OR2T6: variants seen among roughly 807,000 people sequenced by gnomAD.
The protein encoded by OR2T6 is olfactory receptor family 2 subfamily T member 6, also known as olfactory receptor 2T6.
For missense variants in OR2T6, 424 were observed against 391.6 expected, an observed-to-expected ratio of 1.08 and a Z score of -0.70; for synonymous variants, 174 against 148.0, an observed-to-expected ratio of 1.18 and a Z score of -1.27.
At chr1:248,385,129 C>G (rs1661116341) in intron 2 of OR2T6, among the ~76,000 whole-genome samples, 1 of 152,038 alleles carries the variant, frequency 6.6e-6, no homozygotes. Flanking sequence ...AGAAGCAGAC[C>G]CTGCTGCAGA....
intron 1 of OR2T6, among the ~76,000 whole-genome samples, chr1:248,380,087 T>G (rs6691875): frequency 0.089 from 13,490 of 151,828 alleles, 1,828 homozygotes; most frequent in African/African-American, 0.3. Flanking sequence ...ACTGTATGTG[T>G]GTATGTATTA....
At chr1:248,378,567 G>A (rs1042133529) in intron 1 of OR2T6, among the ~76,000 whole-genome samples, 3 of 152,072 alleles carry the variant, frequency 2.0e-5, no homozygotes, top group Non-Finnish European at 4.4e-5. Flanking sequence ...ATTTTGGCGG[G>A]AGACAGCAGT....
At chr1:248,381,093 G>A (rs941848572) in intron 1 of OR2T6, among the ~76,000 whole-genome samples, 12 of 151,798 alleles carry the variant, frequency 7.9e-5, no homozygotes, top group African/African-American at 2.4e-4. Context: ...TATGCTTCGC[G>A]TTAATTTCCT....
At position 248,388,410 on chromosome 1, in the gene OR2T6, C is replaced by G. The variant is rs745389302; in HGVS notation, c.802C>G (p.Pro268Ala). ...TACGCTTCCCCAATCTTACCACACC[C>G]CAATCAAAGATAAGGTCTTCTCTGC... is the stretch of plus-strand genomic sequence containing the variant. ...TYTLPQSYHT[P>A]IKDKVFSAFY... is the part of the protein sequence containing the mutation. The change falls in exon 3 of 3, where the codon CCA becomes GCA. Residue 268 changes from proline to alanine, a missense_variant. Coordinates refer to ENST00000641644, the MANE Select transcript of OR2T6 (RefSeq NM_001005471.2). 1.2e-6 allele frequency: 2 copies of G among 1,613,650 alleles called. No homozygotes were observed. The highest frequency in any genetic ancestry group is 2.2e-5 in the East Asian group (1 of 44,872).
chr1:248,379,919 G>A (rs1661003550), intron 1 of OR2T6, among the ~76,000 whole-genome samples: 1 of 151,866 alleles, frequency 6.6e-6, no homozygotes, highest in Non-Finnish European at 1.5e-5. Context: ...CAACGTGCAG[G>A]TTTATTACAT....
At position 248,389,533 on chromosome 1, in the gene OR2T6, T is replaced by C. The variant is rs950167270; in HGVS notation, c.*998T>C. The C allele has an allele frequency of 1.3e-5, 2 of 152,132 alleles. No individual in the cohort carries two copies. Among genetic ancestry groups the C allele is most frequent in the African/African-American group, 4.8e-5 (2 of 41,418 alleles). 9.4% of individuals were successfully genotyped at this position (152,132 alleles called of 1,614,324 possible). Reference sequence around the variant, plus strand: ...ACTTAGTGTCATGAGCGGTGCAAAGTTAGAAATAACCAGGACCACAAATGC... The same window carrying C: ...ACTTAGTGTCATGAGCGGTGCAAAGCTAGAAATAACCAGGACCACAAATGC... On this transcript the variant is annotated 3_prime_UTR_variant, in exon 3 of 3. Transcript: ENST00000641644.
chr1:248,388,221 G>T lies in OR2T6; in HGVS notation c.613G>T (p.Ala205Ser). Residue 205 changes from alanine to serine, a missense_variant, in exon 3 of 3, where the codon GCA (alanine) becomes TCA (serine). Ala to Ser is a moderately conservative substitution (Grantham distance 99, BLOSUM62 1). Coordinates refer to ENST00000641644, the MANE Select transcript of OR2T6 (RefSeq NM_001005471.2). ...AACAGTGATGTATGTGTGCTGCGTT[G>T]CAATGCTGCTGATCCCCTTCTCGGT... is the stretch of plus-strand genomic sequence containing the variant. ...YETVMYVCCV[A>S]MLLIPFSVVT... 1 of 1,613,856 alleles carries T rather than the reference G, an allele frequency of 6.2e-7. No individual in the cohort carries two copies. The highest frequency in any genetic ancestry group is 2.2e-5 in the East Asian group (1 of 44,824).
intron 2 of OR2T6, among the ~76,000 whole-genome samples, chr1:248,386,641 G>A (rs150519434): frequency 2.8e-4 from 43 of 152,152 alleles, no homozygotes; most frequent in African/African-American, 8.2e-4. Context: ...TCTTTACCCC[G>A]GCCTGCATAC....
At chr1:248,383,341 G>C (rs374464067) in intron 1 of OR2T6, among the ~76,000 whole-genome samples, 46 of 62,210 alleles carry the variant, frequency 7.4e-4, no homozygotes, top group African/African-American at 1.0e-3. Context: ...CACTGCACTA[G>C]CCTGAGTGTG....
chr1:248,388,269 A>T lies in OR2T6; in HGVS notation c.661A>T (p.Ile221Phe). The change falls in exon 3 of 3, where the codon ATT becomes TTT. Residue 221 changes from isoleucine to phenylalanine, a missense_variant. Physicochemically the swap from Ile to Phe is conservative, Grantham distance 21. Coordinates refer to ENST00000641644, the MANE Select transcript of OR2T6 (RefSeq NM_001005471.2). ...GGTGGTGACTGCATCCTACACCAGG[A>T]TTCTCATCACAGTGCATCAGATGAC... ...FSVVTASYTR[I>F]LITVHQMTSA... 2 of 1,613,756 alleles carry T rather than the reference A, an allele frequency of 1.2e-6. No homozygotes were observed. Among genetic ancestry groups the T allele is most frequent in the Non-Finnish European group, 1.7e-6 (2 of 1,179,912 alleles).
At chr1:248,385,383 C>T (rs996952302) in intron 2 of OR2T6, among the ~76,000 whole-genome samples, 15 of 152,194 alleles carry the variant, frequency 9.9e-5, no homozygotes, top group Non-Finnish European at 4.4e-5. Context: ...AATATGTAGA[C>T]ACTTGCAAAT....
In OR2T6 at chr1:248,389,320, G is replaced by A. The variant is rs905768642; in HGVS notation, c.*785G>A. The A allele has an allele frequency of 1.3e-5, 2 of 152,050 alleles. No individual in the cohort carries two copies. The highest frequency in any genetic ancestry group is 2.9e-5 in the Non-Finnish European group (2 of 68,008). The allele number at this position is 152,050 out of a possible 1,614,324, so 9.4% of individuals were successfully genotyped here. On this transcript the variant is annotated 3_prime_UTR_variant, in exon 3 of 3. Coordinates refer to ENST00000641644, the MANE Select transcript of OR2T6 (RefSeq NM_001005471.2). ...ATTCACTAGCATTTTTAAACTTTTG[G>A]GATCCCTGTGCAGATGTTAGTGTTG...
intron 2 of OR2T6, 84 bp from the exon 3 acceptor site, chr1:248,387,521 T>C (rs1163276441): frequency 1.2e-6 from 1 of 860,524 alleles, no homozygotes; most frequent in Non-Finnish European, 1.7e-6. Context: ...TCTAATAATG[T>C]TTACACAGAC....
intron 1 of OR2T6, among the ~76,000 whole-genome samples, chr1:248,377,095 G>A (rs1660949456): frequency 6.6e-6 from 1 of 152,182 alleles, no homozygotes; most frequent in African/African-American, 2.4e-5. Context: ...TGGTTGGTTG[G>A]TCAGATGTTG....
rs750366934 is a variant in OR2T6 at position 248,388,504 on chromosome 1, G to T, written c.896G>T (p.Gly299Val). 5 of 1,582,720 alleles carry T rather than the reference G, an allele frequency of 3.2e-6. No individual in the cohort carries two copies. In the South Asian group the frequency reaches 4.7e-5, roughly 15 times the overall value. ...AGTCTGAGGAACAGGGATGTGATGG[G>T]TGCCTTGAAGAGAGTTGTGGCAAGA... is the stretch of plus-strand genomic sequence containing the variant. ...IYSLRNRDVM[G>V]ALKRVVARC Residue 299 changes from glycine to valine, a missense_variant, in exon 3 of 3, where the codon GGT (glycine) becomes GTT (valine). Gly to Val is a moderately radical substitution (Grantham distance 109, BLOSUM62 -3). Coordinates refer to ENST00000641644, the MANE Select transcript of OR2T6 (RefSeq NM_001005471.2).
Position 248,387,855 on chromosome 1 carries a change from G to T in OR2T6, c.247G>T (p.Val83Leu), listed in dbSNP as rs768831929. ...CTCCACCATTGTGCCCAAGATGCTGGTAGATTATCTCATGGGCGAGGGGAC... is the reference window on the plus strand; with the variant it reads ...CTCCACCATTGTGCCCAAGATGCTGTTAGATTATCTCATGGGCGAGGGGAC... ...YISTIVPKMLVDYLMGEGTIS... is the reference protein window; with the variant it reads ...YISTIVPKMLLDYLMGEGTIS... Residue 83 changes from valine (V) to leucine (L), a missense_variant, in exon 3 of 3, where the codon GTA (valine) becomes TTA (leucine). Coordinates refer to ENST00000641644, the MANE Select transcript of OR2T6 (RefSeq NM_001005471.2). 1.3e-6 allele frequency: 2 copies of T among 1,598,808 alleles called. No homozygotes were observed. Among genetic ancestry groups the T allele is most frequent in the Admixed American group, 1.7e-5 (1 of 59,414 alleles).
chr1:248,381,881 T>C (rs1052816168), intron 1 of OR2T6, among the ~76,000 whole-genome samples: 1 of 152,138 alleles, frequency 6.6e-6, no homozygotes, highest in Non-Finnish European at 1.5e-5. Context: ...TCTCAGAATG[T>C]CTTCCTGTTT....
chr1:248,387,071 C>T (rs1395738767), intron 2 of OR2T6, among the ~76,000 whole-genome samples: 1 of 152,134 alleles, frequency 6.6e-6, no homozygotes. Context: ...TAAGAATGAC[C>T]AATGATCAGG....
At chr1:248,379,832 A>G (rs1241749446) in intron 1 of OR2T6, among the ~76,000 whole-genome samples, 1 of 151,842 alleles carries the variant, frequency 6.6e-6, no homozygotes, top group Non-Finnish European at 1.5e-5. Flanking sequence ...AATTGTTCCA[A>G]ATTTAGAGAT....
Sources: allele counts gnomAD v4.1 joint callset (sites outside exome capture counted in the v4.1 genomes callset), GRCh38; gene constraint gnomAD v4.1.1; transcripts MANE v1.5; gene names NCBI Gene and HGNC (gene_info 2026-07-23, HGNC 2026-07-21).